RUSF1: variants seen among roughly 807,000 people sequenced by gnomAD.
RUSF1 encodes the protein RUS family member 1.
Under a neutral mutation model 63.0 loss-of-function variants are expected in RUSF1, and 58 were observed. That is an observed-to-expected ratio of 0.92 (90% CI 0.75 to 1.15). The LOEUF (loss-of-function observed/expected upper bound fraction) is 1.15, where lower values mean the gene tolerates loss of function less well. Among genes scored for constraint, RUSF1 ranks in the 50% most tolerant of loss-of-function variants. The pLI is 0.00. For synonymous variants in RUSF1, 274 were observed against 255.8 expected (o/e 1.07, Z -0.68); for missense variants, 652 against 611.0 (o/e 1.07, Z -0.71).
At position 31,490,583 on chromosome 16, in the gene RUSF1, G is replaced by C; in HGVS notation, c.*252C>G. The C allele has an allele frequency of 6.7e-7, 1 of 1,483,730 alleles. No homozygotes were observed. Among genetic ancestry groups the C allele is most frequent in the Non-Finnish European group, 9.3e-7 (1 of 1,074,942 alleles). The allele number at this position is 1,483,730 out of a possible 1,614,324, so 91.9% of individuals were successfully genotyped here. On this transcript the variant is annotated 3_prime_UTR_variant, in exon 13 of 13. Transcript: ENST00000327237. ...AAGCCACAGCCTCACAGGAAGTGGG[G>C]GTGAGGAGCCTGCGGTGCTCCCCAG...
At chr16:31,491,875 A>G in intron 12 of RUSF1, 134 bp downstream of exon 12, 4 of 888,718 alleles carry the variant, frequency 4.5e-6, no homozygotes, top group Non-Finnish European at 6.9e-6. Context: ...CTAGAATCAT[A>G]GGTGTGAGCC....
At chr16:31,505,421 C>T (rs778328831) in intron 2 of RUSF1, among the ~76,000 whole-genome samples, 6 of 152,086 alleles carry the variant, frequency 3.9e-5, no homozygotes, top group African/African-American at 7.2e-5. Flanking sequence ...TGCTGAGTGC[C>T]GGTCCCCTGG....
At chr16:31,497,545 C>T (rs1567396943) in intron 5 of RUSF1, among the ~76,000 whole-genome samples, 1 of 152,132 alleles carries the variant, frequency 6.6e-6, no homozygotes, top group Admixed American at 6.5e-5. Context: ...CTGTGTTGCC[C>T]AGGCGGGCCT....
At position 31,493,583 on chromosome 16, in the gene RUSF1, G is replaced by A. The variant is rs769508801; in HGVS notation, c.958+20C>T. ...TGGGAGAGGTTGAGACACAGGACCCGAGACCAGGGGCAGGGTCACCTGTCC... is the reference window on the plus strand; with the variant it reads ...TGGGAGAGGTTGAGACACAGGACCCAAGACCAGGGGCAGGGTCACCTGTCC... On this transcript the variant is annotated intron_variant, in intron 8 of 12. Coordinates refer to ENST00000327237, the MANE Select transcript of RUSF1 (RefSeq NM_022744.4). 4 of 1,614,182 alleles carry A rather than the reference G, an allele frequency of 2.5e-6. No individual in the cohort carries two copies. The highest frequency in any genetic ancestry group is 2.5e-6 in the Non-Finnish European group (3 of 1,180,036).
Position 31,508,262 on chromosome 16 carries a change from C to G in RUSF1, c.112G>C (p.Gly38Arg). The G allele has an allele frequency of 6.4e-7, 1 of 1,566,234 alleles. No homozygotes were observed. Residue 38 changes from glycine to arginine, a missense_variant, in exon 1 of 13, where the codon GGC becomes CGC. By Grantham distance (125) the Gly-to-Arg change is moderately radical. Transcript: ENST00000327237. ...ADGSLQWEVG[G>R]WRWWGLSRAF... Reference sequence around the variant, plus strand: ...CTGGAGAGCCCCCACCAGCGCCAGCCCCCGACCTCCCACTGCAGGCTCCCG... The same window carrying G: ...CTGGAGAGCCCCCACCAGCGCCAGCGCCCGACCTCCCACTGCAGGCTCCCG...
rs778853923 is a variant in RUSF1 at position 31,508,388 on chromosome 16, T to A, written c.-15A>T. ...TCGTCAGCCATGCCGAGCTTTTGGATCCCAGCCCCGCCCCTGCCGCACGGT... is the reference window on the plus strand; with the variant it reads ...TCGTCAGCCATGCCGAGCTTTTGGAACCCAGCCCCGCCCCTGCCGCACGGT... On this transcript the variant is annotated 5_prime_UTR_variant, in exon 1 of 13. Coordinates refer to ENST00000327237, the MANE Select transcript of RUSF1 (RefSeq NM_022744.4). 2 of 1,476,638 alleles carry A rather than the reference T, an allele frequency of 1.4e-6. No individual in the cohort carries two copies. Among genetic ancestry groups the A allele is most frequent in the East Asian group, 5.2e-5 (2 of 38,532 alleles). The allele number at this position is 1,476,638 out of a possible 1,614,324, so 91.5% of individuals were successfully genotyped here. A position where few individuals can be genotyped will look rare whatever the true frequency, so the allele number is the denominator to read the frequency against.
chr16:31,504,010 G>C (rs929582954), intron 2 of RUSF1, among the ~76,000 whole-genome samples: 1 of 150,988 alleles, frequency 6.6e-6, no homozygotes, highest in Non-Finnish European at 1.5e-5. Flanking sequence ...TTTGAGACAG[G>C]GTCTCAGTCT....
At chr16:31,493,975 C>T in intron 6 of RUSF1, 39 bp from the exon 7 acceptor site, 1 of 1,602,062 alleles carries the variant, frequency 6.2e-7, no homozygotes, top group Non-Finnish European at 8.5e-7. Context: ...GGAAGGTGCC[C>T]CTCCAGGCCA....
Position 31,489,699 on chromosome 16 carries a change from G to T in RUSF1, c.*1136C>A. ...GGTGGCTCCAGGCAGGGCTGATGGT[G>T]GCAGGGTGGGGTGAGGACAGGACAA... On this transcript the variant is annotated 3_prime_UTR_variant, in exon 13 of 13. Transcript: ENST00000327237. 1 of 461,018 alleles carries T rather than the reference G, an allele frequency of 2.2e-6. No homozygotes were observed. The highest frequency in any genetic ancestry group is 4.0e-6 in the Non-Finnish European group (1 of 249,768). 28.6% of individuals were successfully genotyped at this position (461,018 alleles called of 1,614,324 possible).
intron 2 of RUSF1, 30 bp from the exon 3 acceptor site, chr16:31,500,761 A>C: frequency 6.2e-7 from 1 of 1,606,708 alleles, no homozygotes; most frequent in South Asian, 1.1e-5. Flanking sequence ...GGTAAGGAGC[A>C]AGGAAGAGGT....
intron 6 of RUSF1, 127 bp downstream of exon 6, chr16:31,496,722 G>T: frequency 1.3e-6 from 1 of 798,816 alleles, no homozygotes; most frequent in Non-Finnish European, 1.9e-6. Flanking sequence ...TCCTGCCTGG[G>T]TGTCTTGAGT....
chr16:31,499,554 T>C (rs2082622512), intron 3 of RUSF1, 29 bp from the exon 4 acceptor site: 1 of 1,586,048 alleles, frequency 6.3e-7, no homozygotes, highest in Non-Finnish European at 8.6e-7. Flanking sequence ...TGTTGTAATT[T>C]GGACTTAAGG....
intron 2 of RUSF1, 38 bp downstream of exon 2, chr16:31,507,726 A>AG: frequency 1.3e-6 from 2 of 1,535,938 alleles, no homozygotes; most frequent in African/African-American, 1.4e-5. Flanking sequence ...AGCAGGGCTG[A>AG]AAGCAGCAAT....
chr16:31,498,246 C>A (rs1396487318), intron 5 of RUSF1, among the ~76,000 whole-genome samples: 1 of 151,990 alleles, frequency 6.6e-6, no homozygotes, highest in East Asian at 1.9e-4. Flanking sequence ...TGTTCCATTC[C>A]CTTGTTGGAC....
rs144693696 is a variant in RUSF1 at position 31,493,683 on chromosome 16, C to A, written c.878G>T (p.Arg293Leu). 1.9e-6 allele frequency: 3 copies of A among 1,614,232 alleles called. No homozygotes were observed. Among genetic ancestry groups the A allele is most frequent in the Admixed American group, 3.3e-5 (2 of 60,026 alleles). The change falls in exon 8 of 13, where the codon CGG becomes CTG. Residue 293 changes from arginine (R) to leucine (L), a missense_variant. Coordinates refer to ENST00000327237, the MANE Select transcript of RUSF1 (RefSeq NM_022744.4). Reference sequence around the variant, plus strand: ...CTGAAGGTAGTGCTTCAGGACCAGCCGGAGCCGGCCTTCGTTCAAGGTCTC... The same window carrying A: ...CTGAAGGTAGTGCTTCAGGACCAGCAGGAGCCGGCCTTCGTTCAAGGTCTC... ...VMETLNEGRLRLVLKHYLQRG... is the reference protein window; with the variant it reads ...VMETLNEGRLLLVLKHYLQRG...
chr16:31,495,069 C>G (rs997694634), intron 6 of RUSF1, among the ~76,000 whole-genome samples: 1 of 152,128 alleles, frequency 6.6e-6, no homozygotes, highest in Non-Finnish European at 1.5e-5. Context: ...CAAGGAACCA[C>G]CCGGGAAGAA....
chr16:31,500,635 A>G (rs1339272916), intron 3 of RUSF1, 51 bp downstream of exon 3: 1 of 1,576,714 alleles, frequency 6.3e-7, no homozygotes, highest in Non-Finnish European at 8.7e-7. Flanking sequence ...TATCATTACT[A>G]CCACTACTGG....
In RUSF1 at chr16:31,499,417, G is replaced by A; in HGVS notation, c.495-10C>T. On this transcript the variant is annotated splice_polypyrimidine_tract_variant and intron_variant, in intron 4 of 12. Transcript: ENST00000327237. ...GATGTCCGCAAAAAGCCTGGGGAGG[G>A]ATCAGAGGTTAGAGGTCAGAGGTAG... 1 of 1,613,850 alleles carries A rather than the reference G, an allele frequency of 6.2e-7. No individual in the cohort carries two copies. Among genetic ancestry groups the A allele is most frequent in the Non-Finnish European group, 8.5e-7 (1 of 1,179,906 alleles).
chr16:31,493,962 G>A, intron 6 of RUSF1, 26 bp from the exon 7 acceptor site: 1 of 1,611,050 alleles, frequency 6.2e-7, no homozygotes, highest in African/African-American at 1.3e-5. Flanking sequence ...GGGAGAAGGA[G>A]TTGGAAGGTG....
Sources: allele counts gnomAD v4.1 joint callset (sites outside exome capture counted in the v4.1 genomes callset), GRCh38; gene constraint gnomAD v4.1.1; transcripts MANE v1.5; gene names NCBI Gene and HGNC (gene_info 2026-07-23, HGNC 2026-07-21).